Variants in CAMTA2 observed in about 807,000 individuals in gnomAD.
CAMTA2 encodes the protein calmodulin binding transcription activator 2, also known as calmodulin-binding transcription activator 2.
A neutral mutation model predicts 135.7 loss-of-function variants in CAMTA2; 56 were observed. The ratio of observed to expected loss-of-function variants is 0.41; its 90% confidence interval spans 0.33 to 0.52. CAMTA2 has a LOEUF of 0.52. Ranked by LOEUF, CAMTA2 falls within the 20% of genes least tolerant of loss-of-function variation. CAMTA2 has a pLI of 0.16. For missense variants in CAMTA2, 1,358 were observed against 1,553.4 expected (o/e 0.87, Z 2.11); for synonymous variants, 591 against 604.6 (o/e 0.98, Z 0.33).
At chr17:4,977,243 C>CT in intron 10 of CAMTA2, 51 bp from the exon 11 acceptor site, 1 of 1,594,444 alleles carries the variant, frequency 6.3e-7, no homozygotes, top group Non-Finnish European at 8.6e-7. Flanking sequence ...GGCTCCTTCT[C>CT]TGGCTACCTG....
At chr17:4,982,694 A>G in intron 5 of CAMTA2, 63 bp downstream of exon 5, 1 of 1,586,580 alleles carries the variant, frequency 6.3e-7, no homozygotes, top group Non-Finnish European at 8.6e-7. Context: ...GTCGGGCTAG[A>G]GCCCAGCTAA....
At chr17:4,983,109 C>G in intron 3 of CAMTA2, 66 bp from the exon 4 acceptor site, 15 of 1,353,646 alleles carry the variant, frequency 1.1e-5, no homozygotes, top group Non-Finnish European at 1.5e-5. Flanking sequence ...GCCTCTTGGT[C>G]ATCCTGTCAG....
In CAMTA2 at chr17:4,972,361, TA is replaced by T; in HGVS notation, c.2678del (p.Leu893HisfsTer42). 6.2e-7 allele frequency: 1 copy of T among 1,612,236 alleles called. No individual in the cohort carries two copies. The highest frequency in any genetic ancestry group is 8.5e-7 in the Non-Finnish European group (1 of 1,179,330). ...QLSSGVPEAP[L>X]LLMDYEATNS... is the part of the protein sequence containing the mutation. The stretch of plus-strand genomic sequence containing the variant: ...TGGTAGCCTCATAGTCCATGAGGAG[TA>T]GGGGGGCTTCTGGGACACCAGAGGA... On this transcript the variant is annotated frameshift_variant, in exon 16 of 23. Transcript: ENST00000348066. LOFTEE classifies it high-confidence loss of function.
rs1597731379 is a variant in CAMTA2 at position 4,972,155 on chromosome 17, A to G, written c.2808+77T>C. ...CTTCCTAAACTGAAGCCAGACTTTG[A>G]TTCTGCTTCATGGAAGTCGGCCTCA... On this transcript the variant is annotated intron_variant, in intron 16 of 22. Transcript: ENST00000348066. 38 of 1,268,386 alleles carry G rather than the reference A, an allele frequency of 3.0e-5. 1 individual carries two copies. The South Asian group carries it at 5.1e-4, about 17-fold the overall frequency. 78.6% of individuals were successfully genotyped at this position (1,268,386 alleles called of 1,614,324 possible).
Position 4,969,608 on chromosome 17 carries a change from T to G in CAMTA2, c.3261+22A>C. 6.2e-7 allele frequency: 1 copy of G among 1,614,060 alleles called. No individual in the cohort carries two copies. On this transcript the variant is annotated intron_variant, in intron 19 of 22. Transcript: ENST00000348066. This position sits in a 1 kb window ranked among gnomAD's most constrained non-coding sequence, Gnocchi z 5.6. ...TGGGTTGGTGGGTTGCTGGTTACAC[T>G]TTTGAGGGAGAAGGGTCTCACCTGC... is the stretch of plus-strand genomic sequence containing the variant.
chr17:4,983,052 G>C lies in CAMTA2; in HGVS notation c.136-9C>G. On this transcript the variant is annotated splice_polypyrimidine_tract_variant and intron_variant, in intron 3 of 22. Transcript: ENST00000348066. ...AGGTAGGATGCAATCTCCTGTAGGA[G>C]AGGAGGCACTCAGCTGGGCATCTCC... The C allele has an allele frequency of 6.8e-6, 11 of 1,612,790 alleles. No homozygotes were observed. The highest frequency in any genetic ancestry group is 9.3e-6 in the Non-Finnish European group (11 of 1,178,864).
chr17:4,974,046 G>A, intron 12 of CAMTA2: 1 of 535,776 alleles, frequency 1.9e-6, no homozygotes, highest in Non-Finnish European at 3.3e-6. Flanking sequence ...CCCCTCAGAA[G>A]CCAGAGCCTT....
In CAMTA2 at chr17:4,968,706, T is replaced by G. The variant is rs766372184; in HGVS notation, c.*50A>C. ...CCTGCCCCAGAAAGCCCTCTCCCTG[T>G]TAAGACTGCACGAGGCGCCCCCAGG... On this transcript the variant is annotated 3_prime_UTR_variant, in exon 23 of 23. Transcript: ENST00000348066. 1 of 1,611,370 alleles carries G rather than the reference T, an allele frequency of 6.2e-7. No homozygotes were observed. Among genetic ancestry groups the G allele is most frequent in the Non-Finnish European group, 8.5e-7 (1 of 1,178,634 alleles).
intron 3 of CAMTA2, chr17:4,983,814 C>T (rs1245427945): frequency 6.6e-6 from 1 of 152,066 alleles, no homozygotes; most frequent in African/African-American, 2.4e-5. Flanking sequence ...GAACTCCTGA[C>T]CTCTGGTGAT....
chr17:4,971,567 GC>G (rs1288585234), intron 16 of CAMTA2, among the ~76,000 whole-genome samples: 2 of 152,128 alleles, frequency 1.3e-5, no homozygotes, highest in African/African-American at 2.4e-5. Context: ...CTGGTCTCAA[GC>G]CCCTGTTCTC....
intron 12 of CAMTA2, 144 bp from the exon 13 acceptor site, chr17:4,973,913 T>G: frequency 3.1e-6 from 2 of 654,004 alleles, no homozygotes; most frequent in Non-Finnish European, 5.1e-6. Context: ...TCAGTTGAAG[T>G]TCCTCTGTGG....
intron 11 of CAMTA2, among the ~76,000 whole-genome samples, chr17:4,976,080 A>G (rs993563994): frequency 3.3e-5 from 5 of 152,056 alleles, no homozygotes; most frequent in South Asian, 2.1e-4. Flanking sequence ...ATCTTGGCTC[A>G]TTGCAACTTC....
chr17:4,981,233 C>A lies in CAMTA2; in HGVS notation c.692G>T (p.Gly231Val), dbSNP rs769629504. 7.4e-6 allele frequency: 12 copies of A among 1,613,524 alleles called. No individual in the cohort carries two copies. The highest frequency in any genetic ancestry group is 1.1e-5 in the South Asian group (1 of 91,058). ...GTCAGGGAGTAACTTACCAAGCCCC[C>A]CACTGCAGAGACAGGCGTGGGTTCG... The part of the protein sequence containing the change: ...APRTHACLCS[G>V]GLGSGSLTHK... The change falls in exon 8 of 23, where the codon GGG becomes GTG. Residue 231 changes from glycine (G) to valine (V), a missense_variant. Around this residue, in one of 4 missense-constraint regions of CAMTA2, gnomAD observed 1,077 missense variants for 1,127.5 expected, o/e 0.96. Transcript: ENST00000348066.
At chr17:4,986,644 T>C in intron 1 of CAMTA2, 1 of 528,402 alleles carries the variant, frequency 1.9e-6, no homozygotes, top group Non-Finnish European at 3.3e-6. Context: ...ATCCGGTCCT[T>C]GGAGGATGGT....
rs1972496701 is a variant in CAMTA2 at position 4,974,473 on chromosome 17, T to C, written c.1928A>G (p.Glu643Gly). ...DDNQFRMSIL[E>G]RLEQMEKRMA... is the part of the protein sequence containing the mutation. ...CCGCTTCTCCATCTGCTCCAGTCGC[T>C]CTAGTATGGACATCCGGAACTGGTT... The change falls in exon 12 of 23, where the codon GAG becomes GGG. Residue 643 changes from glutamate (E) to glycine (G), a missense_variant. Transcript: ENST00000348066. 1 of 1,613,804 alleles carries C rather than the reference T, an allele frequency of 6.2e-7. No individual in the cohort carries two copies. Among genetic ancestry groups the C allele is most frequent in the East Asian group, 2.2e-5 (1 of 44,884 alleles).
At chr17:4,985,779 C>A in intron 3 of CAMTA2, 101 bp downstream of exon 3, 1 of 775,368 alleles carries the variant, frequency 1.3e-6, no homozygotes, top group Non-Finnish European at 2.3e-6. Flanking sequence ...GAATGGTGCT[C>A]TGCACTTAGG....
At position 4,968,916 on chromosome 17, in the gene CAMTA2, C is replaced by T; in HGVS notation, c.3536G>A (p.Cys1179Tyr). Reference sequence around the variant, plus strand: ...GAGAAGGGATGAGTACCTGTGTCGGCAGCGCCGCAGGAATCTCATGATCTT... The same window carrying T: ...GAGAAGGGATGAGTACCTGTGTCGGTAGCGCCGCAGGAATCTCATGATCTT... ...ARKIMRFLRR[C>Y]RHRMRELKQN... The change falls in exon 22 of 23, where the codon TGC becomes TAC. Residue 1179 changes from cysteine to tyrosine, a missense_variant. Transcript: ENST00000348066. The T allele has an allele frequency of 1.2e-6, 2 of 1,614,102 alleles. No individual in the cohort carries two copies. The highest frequency in any genetic ancestry group is 1.7e-6 in the Non-Finnish European group (2 of 1,179,980).
In CAMTA2 at chr17:4,972,455, C is replaced by T. The variant is rs558218575; in HGVS notation, c.2585G>A (p.Gly862Asp). Residue 862 changes from glycine (G) to aspartate (D), a missense_variant, in exon 16 of 23, where the codon GGC becomes GAC. Around this residue, in one of 4 missense-constraint regions of CAMTA2, gnomAD observed 1,077 missense variants for 1,127.5 expected, o/e 0.96. Transcript: ENST00000348066. ...TGGCAGAGGTGCAGGGGGGGGACTG[C>T]CATCTGGGGCACTAGAATAGGCTGA... ...VTSAYSSAPD[G>D]SPPPAPLPAS... 1 of 1,613,372 alleles carries T rather than the reference C, an allele frequency of 6.2e-7. No individual in the cohort carries two copies. Among genetic ancestry groups the T allele is most frequent in the African/African-American group, 1.3e-5 (1 of 75,024 alleles).
At position 4,980,806 on chromosome 17, in the gene CAMTA2, C is replaced by T. The variant is rs1330805242; in HGVS notation, c.701-185G>A. Among the ~76,000 whole-genome samples the T allele has an allele frequency of 1.3e-5, 2 of 152,176 alleles. No homozygotes were observed. Among genetic ancestry groups the T allele is most frequent in the African/African-American group, 4.8e-5 (2 of 41,424 alleles). The stretch of plus-strand genomic sequence containing the variant: ...CCCCTACCCTTTATTCCCCCTCCCC[C>T]TCTCCATTTCCCCTCAAAACAAGCA... On this transcript the variant is annotated intron_variant, in intron 8 of 22. Coordinates refer to ENST00000348066, the MANE Select transcript of CAMTA2 (RefSeq NM_015099.4). The surrounding 1 kb of genome is among the most constrained non-coding windows in gnomAD (Gnocchi z 5.3).
Sources: gnomAD v4.1 joint callset for allele counts (sites outside exome capture counted in the v4.1 genomes callset) on GRCh38, gnomAD v4.1.1 for gene constraint, gnomAD v4.1.1 regional missense constraint, Gnocchi (gnomAD v3.1) non-coding constraint, MANE v1.5 for transcripts, NCBI Gene and HGNC (gene_info 2026-07-23, HGNC 2026-07-21) for gene names.